Variants in TBRG4 observed in about 807,000 individuals in gnomAD.
TBRG4 encodes transforming growth factor beta regulator 4.
In TBRG4, 43 loss-of-function variants were observed where a neutral mutation model predicts 65.6. The observed-to-expected ratio is 0.66, with a 90% CI of 0.51 to 0.85. The LOEUF (loss-of-function observed/expected upper bound fraction) is 0.85. TBRG4 is among the 40% of genes least tolerant of loss of function. TBRG4 has a pLI of 0.00. For synonymous variants in TBRG4, 366 were observed against 341.4 expected, an observed-to-expected ratio of 1.07 and a Z score of -0.79; for missense variants, 709 against 787.9, an observed-to-expected ratio of 0.90 and a Z score of 1.20.
intron 6 of TBRG4, 183 bp from the exon 7 acceptor site, chr7:45,102,674 G>A: frequency 2.7e-6 from 2 of 747,366 alleles, no homozygotes; most frequent in East Asian, 2.8e-5. Context: ...TGGGCTTGAA[G>A]GTACCAGGAA....
chr7:45,106,470 C>T (rs1241276487), intron 2 of TBRG4: 3 of 158,732 alleles, frequency 1.9e-5, no homozygotes, highest in Non-Finnish European at 4.2e-5. Flanking sequence ...CTTACGCTTG[C>T]TAAGATCAGT....
At chr7:45,106,167 T>A (rs1420859378) in intron 2 of TBRG4, 1 of 444,084 alleles carries the variant, frequency 2.3e-6, no homozygotes, top group Non-Finnish European at 4.5e-6. Flanking sequence ...CTGAGCCTGA[T>A]CCTCTAGGCT....
chr7:45,102,106 T>C, intron 7 of TBRG4, 36 bp from the exon 8 acceptor site: 2 of 1,556,732 alleles, frequency 1.3e-6, no homozygotes, highest in South Asian at 1.2e-5. Flanking sequence ...GAGGTGGGCC[T>C]ACGGCCAGAG....
rs367700165 is a variant in TBRG4 at position 45,105,454 on chromosome 7, C to A, written c.722G>T (p.Arg241Leu). The A allele has an allele frequency of 1.9e-6, 3 of 1,601,278 alleles. No homozygotes were observed. The highest frequency in any genetic ancestry group is 2.6e-6 in the Non-Finnish European group (3 of 1,172,032). ...CAGGCCCAGTACCTTGTCTTCCAGG[C>A]GGTTCATTAGTGGCTCCGAGAGGTG... Reference protein sequence around the residue: ...VGHLSEPLMNRLEDKCLELVE... With the variant: ...VGHLSEPLMNLLEDKCLELVE... The change falls in exon 3 of 11, where the codon CGC becomes CTC. Residue 241 changes from arginine to leucine, a missense_variant. Transcript: ENST00000258770.
chr7:45,107,936 C>T (rs530386718), intron 2 of TBRG4, among the ~76,000 whole-genome samples: 32 of 152,210 alleles, frequency 2.1e-4, no homozygotes, highest in Non-Finnish European at 3.8e-4. Flanking sequence ...CATATATATA[C>T]ATCCTTAACT....
At position 45,103,304 on chromosome 7, in the gene TBRG4, GTCGAGCAGTGGGA is replaced by G; in HGVS notation, c.1176+16_1176+28del. On this transcript the variant is annotated intron_variant, in intron 6 of 10. Coordinates refer to ENST00000258770, the MANE Select transcript of TBRG4 (RefSeq NM_004749.4). ...CCATTAGCTGAAGGGGAGGATAAAG[GTCGAGCAGTGGGA>G]GCCCAGAGGCCCTACCAGGCTGAAG... 6.4e-7 allele frequency: 1 copy of G among 1,561,936 alleles called. No homozygotes were observed. Among genetic ancestry groups the G allele is most frequent in the Non-Finnish European group, 8.8e-7 (1 of 1,139,030 alleles).
chr7:45,105,604 C>A lies in TBRG4; in HGVS notation c.572G>T (p.Cys191Phe), dbSNP rs931486107. 3.1e-6 allele frequency: 5 copies of A among 1,614,046 alleles called. No individual in the cohort carries two copies. Among genetic ancestry groups the A allele is most frequent in the Admixed American group, 3.3e-5 (2 of 60,014 alleles). The change falls in exon 3 of 11, where the codon TGT becomes TTT. Residue 191 changes from cysteine (C) to phenylalanine (F), a missense_variant. By Grantham distance (205) the Cys-to-Phe change is radical (BLOSUM62 -2). Transcript: ENST00000258770. ...YKHLAFLAESCATLSQEQHSQ... is the reference protein window; with the variant it reads ...YKHLAFLAESFATLSQEQHSQ... ...GTGCTGCTCCTGTGAGAGGGTGGCA[C>A]AGGACTCTGCCAGGAAGGCCAGGTG...
intron 1 of TBRG4, 122 bp downstream of exon 1, chr7:45,111,521 T>G: frequency 8.7e-7 from 1 of 1,152,360 alleles, no homozygotes; most frequent in Non-Finnish European, 1.1e-6. Flanking sequence ...GCCCACGGCA[T>G]CCCACCGCGT....
intron 3 of TBRG4, 80 bp downstream of exon 3, chr7:45,105,361 T>G: frequency 6.8e-7 from 1 of 1,464,886 alleles, no homozygotes; most frequent in East Asian, 2.3e-5. Flanking sequence ...CGCACCCCTC[T>G]GCAGACAACT....
Position 45,101,258 on chromosome 7 carries a change from G to A in TBRG4, c.1794C>T (p.Asp598=), listed in dbSNP as rs1168734326. The change falls in exon 10 of 11, where the codon GAC becomes GAT. Residue 598 remains aspartate (D), a splice_region_variant and synonymous_variant. Coordinates refer to ENST00000258770, the MANE Select transcript of TBRG4 (RefSeq NM_004749.4). ...HIVAAGFLIV[D]VPFYEWLELK... is the part of the protein sequence containing the mutation. ...GACCACCTGCCCAAGAGGTACTCAC[G>A]TCCACTATCAGGAAGCCTGCAGCCA... The A allele has an allele frequency of 3.1e-6, 5 of 1,612,468 alleles. No individual in the cohort carries two copies. The highest frequency in any genetic ancestry group is 2.2e-5 in the East Asian group (1 of 44,832).
chr7:45,109,869 T>C (rs1477601775), intron 1 of TBRG4, among the ~76,000 whole-genome samples: 2 of 148,884 alleles, frequency 1.3e-5, no homozygotes, highest in Non-Finnish European at 3.0e-5. Context: ...CCCAGCTACT[T>C]GGGAGGCTAA....
chr7:45,105,145 C>T (rs567232669), intron 3 of TBRG4: 67 of 649,646 alleles, frequency 1.0e-4, no homozygotes, highest in South Asian at 8.8e-4. Context: ...GCCATGCCCC[C>T]CTCTCAAGAT....
At chr7:45,103,651 C>T (rs2128644894) in intron 5 of TBRG4, 1 of 576,998 alleles carries the variant, frequency 1.7e-6, no homozygotes, top group Non-Finnish European at 3.1e-6. Context: ...CCCACAGAGG[C>T]TGGGGACACC....
chr7:45,101,290 G>A lies in TBRG4; in HGVS notation c.1762C>T (p.His588Tyr), dbSNP rs1399290206. The A allele has an allele frequency of 1.9e-6, 3 of 1,613,896 alleles. No homozygotes were observed. The highest frequency in any genetic ancestry group is 2.5e-6 in the Non-Finnish European group (3 of 1,179,984). The change falls in exon 10 of 11, where the codon CAC becomes TAC. Residue 588 changes from histidine to tyrosine, a missense_variant. By Grantham distance (83) the His-to-Tyr change is moderately conservative. Transcript: ENST00000258770. The part of the protein sequence containing the change: ...LLGRFVLARR[H>Y]IVAAGFLIVD... ...ATCAGGAAGCCTGCAGCCACTATGT[G>A]TCGCCGGGCCAGAACAAAGCGACCC...
chr7:45,100,293 G>T lies in TBRG4; in HGVS notation c.*32C>A. 1 of 1,590,900 alleles carries T rather than the reference G, an allele frequency of 6.3e-7. No individual in the cohort carries two copies. The highest frequency in any genetic ancestry group is 1.1e-5 in the South Asian group (1 of 90,244). On this transcript the variant is annotated 3_prime_UTR_variant, in exon 11 of 11. Transcript: ENST00000258770. ...GCCGCCCACAGCTAGACCTCCGGCG[G>T]AGAGGCACGCAGTCCATGCTGCTGG...
intron 8 of TBRG4, 50 bp from the exon 9 acceptor site, chr7:45,101,664 A>AC (rs766003233): frequency 1.8e-5 from 28 of 1,599,440 alleles, no homozygotes; most frequent in East Asian, 6.7e-5. Context: ...TCCCTCAGAA[A>AC]CCCCCCCACA....
chr7:45,103,934 A>G, intron 5 of TBRG4, 165 bp downstream of exon 5: 1 of 956,132 alleles, frequency 1.0e-6, no homozygotes. Flanking sequence ...CTTTTTTGAG[A>G]ACTGAATAGC....
At chr7:45,101,682 T>A (rs1784770070) in intron 8 of TBRG4, 68 bp from the exon 9 acceptor site, 2 of 1,598,046 alleles carry the variant, frequency 1.3e-6, no homozygotes, top group African/African-American at 1.3e-5. Flanking sequence ...ACAGGAAAGA[T>A]GAACAAAGAT....
At chr7:45,103,902 C>G (rs372166895) in intron 5 of TBRG4, 197 bp downstream of exon 5, 3 of 747,818 alleles carry the variant, frequency 4.0e-6, no homozygotes. Context: ...AGTGAAAGAA[C>G]AGAGGAAACA....
Sources: allele counts gnomAD v4.1 joint callset (sites outside exome capture counted in the v4.1 genomes callset), GRCh38; gene constraint gnomAD v4.1.1; transcripts MANE v1.5; gene names NCBI Gene and HGNC (gene_info 2026-07-23, HGNC 2026-07-21).